The following LDB2 variants were observed in gnomAD, a reference collection of about 807,000 sequenced individuals.
LDB2 encodes the protein LIM domain-binding protein 2.
A neutral mutation model predicts 44.3 loss-of-function variants in LDB2; 12 were observed. The observed-to-expected ratio is 0.27, with a 90% confidence interval of 0.17 to 0.44. The LOEUF is 0.44. Among genes scored for constraint, LDB2 ranks in the 20% least tolerant of loss-of-function variants. The pLI, the probability that LDB2 is intolerant of heterozygous loss-of-function variation, is 1.00. For missense variants in LDB2, 344 were observed against 473.5 expected, an observed-to-expected ratio of 0.73 and a Z score of 2.54; for synonymous variants, 164 against 174.8, an observed-to-expected ratio of 0.94 and a Z score of 0.49.
chr4:16,585,050 C>T (rs529798959), intron 5 of LDB2, among the ~76,000 whole-genome samples: 2 of 152,248 alleles, frequency 1.3e-5, no homozygotes, highest in South Asian at 2.1e-4. Context: ...CCTGACAAGA[C>T]GATATGCCCA....
chr4:16,688,812 T>C (rs1178836684), intron 2 of LDB2, among the ~76,000 whole-genome samples: 2 of 152,260 alleles, frequency 1.3e-5, no homozygotes, highest in Non-Finnish European at 2.9e-5. Context: ...CTTCTATTCT[T>C]GCTCCTAGCA....
chr4:16,821,768 A>AAAAAAAAAAAAAAG (rs1782113007), intron 1 of LDB2, among the ~76,000 whole-genome samples: 1 of 150,204 alleles, frequency 6.7e-6, no homozygotes, highest in Non-Finnish European at 1.5e-5. Context: ...AAAAAAAAAA[A>AAAAAAAAAAAAAAG]AATCAGGAAT....
rs185586591 is a variant in LDB2, at chr4:16,647,570, T to C, written c.236-51695A>G. Among the ~76,000 whole-genome samples the C allele has an allele frequency of 1.5e-3, 222 of 152,320 alleles. 1 individual carries two copies. Among genetic ancestry groups the C allele is most frequent in the African/African-American group, 4.9e-3 (202 of 41,572 alleles). ...GCAAGGCAGTGGGTCCCAAGTTCCA[T>C]GCTGTGATGCCTCTGGTAACTGCAT... is the stretch of plus-strand genomic sequence containing the variant. On this transcript the variant is annotated intron_variant, in intron 2 of 7. Transcript: ENST00000304523.
chr4:16,566,838 G>A (rs1487804369), intron 5 of LDB2, among the ~76,000 whole-genome samples: 4 of 151,938 alleles, frequency 2.6e-5, no homozygotes, highest in Non-Finnish European at 4.4e-5. Context: ...TTAAGTATAC[G>A]AACAAACAAT....
chr4:16,797,034 T>G (rs1282892448), intron 1 of LDB2, among the ~76,000 whole-genome samples: 1 of 152,102 alleles, frequency 6.6e-6, no homozygotes, highest in Non-Finnish European at 1.5e-5. Context: ...ATGAAAAAAC[T>G]GAAGAAATCT....
At chr4:16,602,576 A>G (rs1460836510) in intron 2 of LDB2, among the ~76,000 whole-genome samples, 1 of 152,178 alleles carries the variant, frequency 6.6e-6, no homozygotes, top group Non-Finnish European at 1.5e-5. Context: ...AAGACATTGA[A>G]AGATTTTAGC....
At chr4:16,635,851 C>T (rs1186863618) in intron 2 of LDB2, among the ~76,000 whole-genome samples, 1 of 152,086 alleles carries the variant, frequency 6.6e-6, no homozygotes, top group Non-Finnish European at 1.5e-5. Flanking sequence ...CAATATGATT[C>T]CAGGTCAGGG....
chr4:16,633,476 A>C (rs1261626520), intron 2 of LDB2, among the ~76,000 whole-genome samples: 1 of 152,208 alleles, frequency 6.6e-6, no homozygotes, highest in African/African-American at 2.4e-5. Flanking sequence ...AATAACAGAC[A>C]AACAGAGCCA....
intron 1 of LDB2, among the ~76,000 whole-genome samples, chr4:16,855,992 A>G (rs540556300): frequency 9.2e-5 from 14 of 152,300 alleles, no homozygotes; most frequent in East Asian, 7.7e-4. Flanking sequence ...CCACTTACAG[A>G]GTTTGGATGT....
intron 2 of LDB2, among the ~76,000 whole-genome samples, chr4:16,604,697 T>G (rs185631482): frequency 1.2e-4 from 18 of 152,136 alleles, no homozygotes; most frequent in Admixed American, 5.2e-4. Flanking sequence ...AAAAACAAAC[T>G]ATTATCCTAT....
At chr4:16,660,930 G>A (rs1741400429) in intron 2 of LDB2, among the ~76,000 whole-genome samples, 1 of 152,146 alleles carries the variant, frequency 6.6e-6, no homozygotes, top group Non-Finnish European at 1.5e-5. Context: ...AGGAATATAG[G>A]CATTGTCCTA....
chr4:16,897,672 TA>T (rs1232308663), intron 1 of LDB2, among the ~76,000 whole-genome samples: 2 of 151,712 alleles, frequency 1.3e-5, no homozygotes, highest in African/African-American at 2.4e-5. Flanking sequence ...GGTAGAGTGA[TA>T]GGGGGGCACG....
Position 16,898,544 on chromosome 4 carries a change from C to G in LDB2, c.-59G>C. The G allele has an allele frequency of 6.3e-7, 1 of 1,587,630 alleles. No homozygotes were observed. The highest frequency in any genetic ancestry group is 1.1e-5 in the South Asian group (1 of 88,680). On this transcript the variant is annotated 5_prime_UTR_variant, in exon 1 of 8. An upstream start codon of the reference 5' UTR is lost. Transcript: ENST00000304523. Reference sequence around the variant, plus strand: ...GTATCAGTAACGTCCATGCAGAGCACATGGGCTGTGTTCTTCCCAGTACAA... The same window carrying G: ...GTATCAGTAACGTCCATGCAGAGCAGATGGGCTGTGTTCTTCCCAGTACAA...
intron 1 of LDB2, among the ~76,000 whole-genome samples, chr4:16,760,246 A>G (rs1160149743): frequency 6.6e-6 from 1 of 152,144 alleles, no homozygotes; most frequent in East Asian, 1.9e-4. Flanking sequence ...TCCCCATGTA[A>G]TAGTCCCACT....
rs557425604 is a variant in LDB2 at position 16,615,228 on chromosome 4, A to C, written c.236-19353T>G. On this transcript the variant is annotated intron_variant, in intron 2 of 7. Transcript: ENST00000304523. ...TCAAGGATCTAGAACTAGAAATACCATTTGACCCAGCCATCTCATTACTGG... is the reference window on the plus strand; with the variant it reads ...TCAAGGATCTAGAACTAGAAATACCCTTTGACCCAGCCATCTCATTACTGG... 5.3e-5 allele frequency among the ~76,000 whole-genome samples: 8 copies of C among 152,304 alleles called. No individual in the cohort carries two copies. In the East Asian group the frequency reaches 1.5e-3, roughly 29 times the overall value.
At chr4:16,728,049 G>A (rs1248973138) in intron 2 of LDB2, among the ~76,000 whole-genome samples, 1 of 152,106 alleles carries the variant, frequency 6.6e-6, no homozygotes, top group Admixed American at 6.5e-5. Context: ...ATTTACTATG[G>A]GGGAACTGGA....
At chr4:16,697,803 G>A (rs1343099869) in intron 2 of LDB2, among the ~76,000 whole-genome samples, 1 of 152,158 alleles carries the variant, frequency 6.6e-6, no homozygotes, top group Non-Finnish European at 1.5e-5. Flanking sequence ...TGACACTCCA[G>A]TAGGGAAAGA....
intron 5 of LDB2, among the ~76,000 whole-genome samples, chr4:16,554,280 C>T (rs1738715884): frequency 6.6e-6 from 1 of 152,090 alleles, no homozygotes; most frequent in Non-Finnish European, 1.5e-5. Context: ...GAACTCCCAG[C>T]CTCAGGTGAT....
intron 7 of LDB2, among the ~76,000 whole-genome samples, chr4:16,507,617 CAG>C (rs1164193499): frequency 6.6e-6 from 1 of 152,124 alleles, no homozygotes; most frequent in Non-Finnish European, 1.5e-5. Flanking sequence ...CTTTGGAAAA[CAG>C]AGTATCTAAA....
Sources: gnomAD v4.1 joint callset for allele counts (sites outside exome capture counted in the v4.1 genomes callset) on GRCh38, gnomAD v4.1.1 for gene constraint, MANE v1.5 for transcripts, NCBI Gene and HGNC (gene_info 2026-07-23, HGNC 2026-07-21) for gene names.